The following ALPK3 variants were observed in gnomAD, a reference collection of about 807,000 sequenced individuals.
The protein encoded by ALPK3 is alpha-protein kinase 3.
In ALPK3, 102 loss-of-function variants were observed where a neutral mutation model predicts 140.0. That is an observed-to-expected ratio of 0.73 (90% CI 0.62 to 0.86). The LOEUF (loss-of-function observed/expected upper bound fraction) is 0.86. ALPK3 is among the 40% of genes least tolerant of loss of function. The probability of loss-of-function intolerance (pLI) is 0.00; values close to 1 mark genes in which losing one functional copy is unlikely to be tolerated. For synonymous variants in ALPK3, 938 were observed against 898.5 expected, an observed-to-expected ratio of 1.04 and a Z score of -0.79; for missense variants, 2,254 against 2,208.2, an observed-to-expected ratio of 1.02 and a Z score of -0.42.
chr15:84,827,674 G>T (rs1478511149), intron 3 of ALPK3, 69 bp downstream of exon 3: 30 of 1,587,692 alleles, frequency 1.9e-5, no homozygotes, highest in Middle Eastern at 2.0e-4. Flanking sequence ...AGGCTGTGAG[G>T]ACAGGAATGG....
intron 5 of ALPK3, among the ~76,000 whole-genome samples, chr15:84,847,208 GGAGA>G (rs55944419): frequency 0.21 from 24,401 of 115,622 alleles, 3,078 homozygotes; most frequent in East Asian, 0.48. Flanking sequence ...GGAGAAACGG[GGAGA>G]GAGAGAGAGA....
intron 3 of ALPK3, among the ~76,000 whole-genome samples, chr15:84,835,854 T>C (rs1277207492): frequency 6.6e-6 from 1 of 152,220 alleles, no homozygotes; most frequent in East Asian, 1.9e-4. Context: ...CATTTATTCA[T>C]CTATAAATAT....
intron 5 of ALPK3, among the ~76,000 whole-genome samples, chr15:84,844,903 C>A (rs938767838): frequency 1.3e-5 from 2 of 151,988 alleles, no homozygotes; most frequent in African/African-American, 4.8e-5. Context: ...AACTAGAATT[C>A]CAGAGCTGAA....
rs748042804 is a variant in ALPK3, at chr15:84,857,385, C to T, written c.2647C>T (p.Pro883Ser). The T allele has an allele frequency of 6.2e-7, 1 of 1,614,086 alleles. No homozygotes were observed. Among genetic ancestry groups the T allele is most frequent in the Non-Finnish European group, 8.5e-7 (1 of 1,180,034 alleles). ...GCTGACAGCTAGCCCAAAGGCGGGG[C>T]CGTGTAGCACCCCGACTTCTCAGCA... Reference protein sequence around the residue: ...TGLTASPKAGPCSTPTSQHGS... With the variant: ...TGLTASPKAGSCSTPTSQHGS... Residue 883 changes from proline to serine, a missense_variant, in exon 6 of 14, where the codon CCG (proline) becomes TCG (serine). Pro to Ser is a moderately conservative substitution (Grantham distance 74). Transcript: ENST00000258888.
chr15:84,861,175 A>T (rs1963941722), intron 9 of ALPK3, among the ~76,000 whole-genome samples: 1 of 152,186 alleles, frequency 6.6e-6, no homozygotes, highest in African/African-American at 2.4e-5. Context: ...GCAGCTCCCA[A>T]GTCTCTCTTA....
intron 1 of ALPK3, 123 bp downstream of exon 1, chr15:84,817,718 A>C: frequency 1.6e-6 from 2 of 1,229,740 alleles, no homozygotes; most frequent in Non-Finnish European, 2.1e-6. Context: ...TCTCAGCCCC[A>C]AGGCCCAGGG....
At chr15:84,862,154 A>G (rs1963953006) in intron 9 of ALPK3, among the ~76,000 whole-genome samples, 1 of 152,174 alleles carries the variant, frequency 6.6e-6, no homozygotes, top group Non-Finnish European at 1.5e-5. Flanking sequence ...AGCGGTCACA[A>G]TTTGAGCATT....
chr15:84,820,977 C>A (rs1963415373), intron 1 of ALPK3, among the ~76,000 whole-genome samples: 1 of 4,528 alleles, frequency 2.2e-4, no homozygotes, highest in South Asian at 4.1e-3. Context: ...TGAATTCCAA[C>A]CCACCTCCAA....
chr15:84,844,426 A>G (rs2141559741), intron 5 of ALPK3, among the ~76,000 whole-genome samples: 1 of 152,312 alleles, frequency 6.6e-6, no homozygotes, highest in Non-Finnish European at 1.5e-5. Flanking sequence ...AAGAAAAGAA[A>G]GAAATTGGCC....
intron 2 of ALPK3, 96 bp downstream of exon 2, chr15:84,823,464 G>A (rs1208500640): frequency 2.1e-6 from 3 of 1,424,444 alleles, no homozygotes; most frequent in Non-Finnish European, 3.0e-6. Context: ...TAACCAGGCT[G>A]CATGGGGTGA....
At position 84,827,468 on chromosome 15, in the gene ALPK3, T is replaced by A. The variant is rs749483010; in HGVS notation, c.183-16T>A. On this transcript the variant is annotated splice_polypyrimidine_tract_variant and intron_variant, in intron 2 of 13. Transcript: ENST00000258888. ...GTGGGGAAGGCCAGCTCTGAATAGCTCTTTGCCTCTCTTAGGAGCACCTTC... is the reference window on the plus strand; with the variant it reads ...GTGGGGAAGGCCAGCTCTGAATAGCACTTTGCCTCTCTTAGGAGCACCTTC... The A allele has an allele frequency of 5.0e-6, 8 of 1,613,928 alleles. No homozygotes were observed. In the South Asian group the frequency reaches 8.8e-5, roughly 18 times the overall value.
chr15:84,855,963 C>G (rs901417523), intron 5 of ALPK3, among the ~76,000 whole-genome samples: 4 of 152,204 alleles, frequency 2.6e-5, no homozygotes, highest in African/African-American at 9.7e-5. Flanking sequence ...TTGGCACTCT[C>G]TCACTTCACC....
rs763047674 is a variant in ALPK3, at chr15:84,839,137, G to T, written c.422+40G>T. The T allele has an allele frequency of 9.8e-6, 15 of 1,536,142 alleles. No homozygotes were observed. The Admixed American group carries it at 2.8e-4, about 29-fold the overall frequency. ...CCTGTTTTGCTCTCTCTGCCCTCCC[G>T]AGGGCCCTCTGGCTGGGGTCCTGCC... On this transcript the variant is annotated intron_variant, in intron 4 of 13. Coordinates refer to ENST00000258888, the MANE Select transcript of ALPK3 (RefSeq NM_020778.5).
At chr15:84,846,603 T>C (rs1963734020) in intron 5 of ALPK3, among the ~76,000 whole-genome samples, 1 of 151,906 alleles carries the variant, frequency 6.6e-6, no homozygotes, top group South Asian at 2.1e-4. Flanking sequence ...GGAAGAACAC[T>C]TGAACCCAGG....
At chr15:84,829,640 T>C (rs1371535874) in intron 3 of ALPK3, among the ~76,000 whole-genome samples, 1 of 152,208 alleles carries the variant, frequency 6.6e-6, no homozygotes, top group Non-Finnish European at 1.5e-5. Flanking sequence ...GTACATGCTG[T>C]TTATACATCG....
chr15:84,857,821 A>G lies in ALPK3; in HGVS notation c.3083A>G (p.Gln1028Arg). ...VENNHLVQSA[Q>R]TLLLSPCTSR... The stretch of plus-strand genomic sequence containing the variant: ...AACAACCACCTGGTGCAGAGTGCAC[A>G]GACCCTGCTGCTGAGCCCCTGTACC... Residue 1028 changes from glutamine (Q) to arginine (R), a missense_variant, in exon 6 of 14, where the codon CAG becomes CGG. By Grantham distance (43) the Gln-to-Arg change is conservative. Transcript: ENST00000258888. 6.2e-7 allele frequency: 1 copy of G among 1,611,168 alleles called. No homozygotes were observed. The highest frequency in any genetic ancestry group is 8.5e-7 in the Non-Finnish European group (1 of 1,178,220).
intron 2 of ALPK3, among the ~76,000 whole-genome samples, chr15:84,824,524 A>G (rs1963463384): frequency 6.6e-6 from 1 of 152,268 alleles, no homozygotes; most frequent in African/African-American, 2.4e-5. Context: ...ATGTTTACAG[A>G]CATGATTAGC....
intron 3 of ALPK3, among the ~76,000 whole-genome samples, chr15:84,828,842 G>A (rs976211244): frequency 2.0e-5 from 3 of 152,198 alleles, no homozygotes; most frequent in Non-Finnish European, 1.5e-5. Flanking sequence ...CAGCACTAGT[G>A]AGGGAGACAC....
At chr15:84,822,548 A>G (rs1963439165) in intron 1 of ALPK3, among the ~76,000 whole-genome samples, 1 of 152,144 alleles carries the variant, frequency 6.6e-6, no homozygotes. Flanking sequence ...AGGAGCTGGG[A>G]TCCAGGTCCC....
Sources: gnomAD v4.1 joint callset for allele counts (sites outside exome capture counted in the v4.1 genomes callset) on GRCh38, gnomAD v4.1.1 for gene constraint, MANE v1.5 for transcripts, NCBI Gene and HGNC (gene_info 2026-07-23, HGNC 2026-07-21) for gene names.